The following PTPRD variants were observed in gnomAD, a reference collection of about 807,000 sequenced individuals.
PTPRD encodes receptor-type tyrosine-protein phosphatase delta.
Under a neutral mutation model 214.5 loss-of-function variants are expected in PTPRD, and 34 were observed. The observed-to-expected ratio is 0.16, with a 90% CI of 0.12 to 0.21. The LOEUF (loss-of-function observed/expected upper bound fraction) is 0.21. Among genes scored for constraint, PTPRD ranks in the 10% least tolerant of loss-of-function variants. The pLI, the probability that PTPRD is intolerant of heterozygous loss-of-function variation, is 1.00. For synonymous variants in PTPRD, 1,128 were observed against 845.7 expected (o/e 1.33, Z -5.79); for missense variants, 2,545 against 2,398.7 (o/e 1.06, Z -1.27).
At chr9:9,587,289 A>C (rs771302106) in intron 7 of PTPRD, among the ~76,000 whole-genome samples, 2 of 151,976 alleles carry the variant, frequency 1.3e-5, no homozygotes, top group Admixed American at 6.6e-5. Context: ...TGCACATTAC[A>C]TGTGTTTTAG....
chr9:10,095,986 T>G (rs564059961), intron 3 of PTPRD, among the ~76,000 whole-genome samples: 1 of 151,706 alleles, frequency 6.6e-6, no homozygotes, highest in East Asian at 2.0e-4. Context: ...TCTGTTCCCA[T>G]TCTATGTGAA....
chr9:8,707,887 T>C (rs1018686006), intron 12 of PTPRD, among the ~76,000 whole-genome samples: 7 of 152,222 alleles, frequency 4.6e-5, no homozygotes, highest in African/African-American at 1.7e-4. Context: ...TGGTTGTGTA[T>C]TGTCTCTCTC....
intron 11 of PTPRD, among the ~76,000 whole-genome samples, chr9:8,930,268 A>T (rs1450353619): frequency 1.3e-5 from 2 of 151,914 alleles, no homozygotes; most frequent in African/African-American, 2.4e-5. Context: ...AGCTTCATCC[A>T]TGTCCCTACA....
At chr9:9,456,057 A>G (rs1404194367) in intron 8 of PTPRD, among the ~76,000 whole-genome samples, 1 of 151,898 alleles carries the variant, frequency 6.6e-6, no homozygotes, top group Non-Finnish European at 1.5e-5. Context: ...TAAAGAAAAT[A>G]CTAATCCAAG....
intron 14 of PTPRD, among the ~76,000 whole-genome samples, chr9:8,571,516 A>T (rs1042272521): frequency 3.3e-5 from 5 of 152,182 alleles, no homozygotes; most frequent in Admixed American, 2.0e-4. Flanking sequence ...ATAAGGAAAT[A>T]AGCATTTTGC....
intron 35 of PTPRD, among the ~76,000 whole-genome samples, chr9:8,414,931 GA>G (rs1428665302): frequency 0.022 from 253 of 11,296 alleles, 1 homozygote; most frequent in African/African-American, 0.032. Flanking sequence ...GAGGGAGGGG[GA>G]GAGAGAGAGA....
chr9:9,614,520 G>A (rs73388989), intron 7 of PTPRD, among the ~76,000 whole-genome samples: 5,323 of 152,208 alleles, frequency 0.035, 268 homozygotes, highest in African/African-American at 0.11. Flanking sequence ...ATCTTCAGAA[G>A]TTATCATGGT....
intron 31 of PTPRD, among the ~76,000 whole-genome samples, chr9:8,469,188 T>A (rs2096605097): frequency 6.6e-6 from 1 of 152,020 alleles, no homozygotes; most frequent in Non-Finnish European, 1.5e-5. Context: ...CCCACAGAAT[T>A]TAATTGCAAG....
intron 3 of PTPRD, among the ~76,000 whole-genome samples, chr9:10,093,510 T>C (rs1213091058): frequency 1.3e-5 from 2 of 151,544 alleles, no homozygotes; most frequent in African/African-American, 4.8e-5. Context: ...GAATCCAAAT[T>C]AGTTCAGCCA....
Position 8,471,031 on chromosome 9 carries a change from C to T in PTPRD, c.3468G>A (p.Lys1156=), listed in dbSNP as rs148408819. The change falls in exon 31 of 46, where the codon AAG becomes AAA. Residue 1156 remains lysine, a synonymous_variant. Coordinates refer to ENST00000381196, the MANE Select transcript of PTPRD (RefSeq NM_002839.4). ...PLKKSRGKFI[K]PWESPDEMEL... is the part of the protein sequence containing the mutation. ...CCATTTCATCTGGACTCTCCCATGGCTTGATAAATTTCCCGCGAGATTTCT... is the reference window on the plus strand; with the variant it reads ...CCATTTCATCTGGACTCTCCCATGGTTTGATAAATTTCCCGCGAGATTTCT... The T allele has an allele frequency of 5.5e-5, 89 of 1,613,486 alleles. No homozygotes were observed. In the East Asian group the frequency reaches 1.8e-3, roughly 34 times the overall value.
intron 11 of PTPRD, among the ~76,000 whole-genome samples, chr9:8,748,141 C>T (rs927356228): frequency 6.6e-6 from 1 of 152,086 alleles, no homozygotes; most frequent in African/African-American, 2.4e-5. Flanking sequence ...GCAGTTAGAG[C>T]GGTTGTCAGC....
intron 5 of PTPRD, among the ~76,000 whole-genome samples, chr9:9,854,726 T>C (rs1333231392): frequency 6.6e-6 from 1 of 152,134 alleles, no homozygotes; most frequent in Non-Finnish European, 1.5e-5. Context: ...TTCAACTTCA[T>C]CTTTTCAGCA....
chr9:9,055,236 AC>A (rs1486983201), intron 10 of PTPRD, among the ~76,000 whole-genome samples: 2 of 152,290 alleles, frequency 1.3e-5, no homozygotes, highest in South Asian at 4.1e-4. Context: ...TCAGAAAAAA[AC>A]ATGATGATTA....
At chr9:8,714,236 T>C (rs1205028708) in intron 12 of PTPRD, among the ~76,000 whole-genome samples, 1 of 152,216 alleles carries the variant, frequency 6.6e-6, no homozygotes, top group Non-Finnish European at 1.5e-5. Context: ...ATTTTCCATA[T>C]TGTAATCAGA....
intron 20 of PTPRD, among the ~76,000 whole-genome samples, 173 bp downstream of exon 20, chr9:8,521,104 G>A (rs183710463): frequency 1.4e-4 from 22 of 152,120 alleles, no homozygotes; most frequent in Non-Finnish European, 1.5e-4. Context: ...GAAAAAATCC[G>A]CCTATCTAGG....
chr9:8,848,060 T>A (rs1456234135), intron 11 of PTPRD, among the ~76,000 whole-genome samples: 1 of 152,122 alleles, frequency 6.6e-6, no homozygotes, highest in Non-Finnish European at 1.5e-5. Context: ...GAACTATTCT[T>A]GGTGGAAATA....
intron 3 of PTPRD, among the ~76,000 whole-genome samples, chr9:10,111,506 G>C (rs1029695530): frequency 4.5e-4 from 69 of 151,878 alleles, no homozygotes; most frequent in African/African-American, 1.5e-3. Context: ...CCAAAGTGCT[G>C]GGATTACAGG....
chr9:9,114,807 G>C (rs2099810735), intron 10 of PTPRD, among the ~76,000 whole-genome samples: 1 of 152,066 alleles, frequency 6.6e-6, no homozygotes, highest in African/African-American at 2.4e-5. Context: ...CAGTTCGTAT[G>C]CATCTATGGG....
At chr9:10,347,755 G>C (rs1031409754) in intron 2 of PTPRD, among the ~76,000 whole-genome samples, 26 of 151,706 alleles carry the variant, frequency 1.7e-4, no homozygotes, top group African/African-American at 6.3e-4. Context: ...TTATTTGCTA[G>C]CTATTTTGAA....
Sources: gnomAD v4.1 joint callset for allele counts (sites outside exome capture counted in the v4.1 genomes callset) on GRCh38, gnomAD v4.1.1 for gene constraint, MANE v1.5 for transcripts, NCBI Gene and HGNC (gene_info 2026-07-23, HGNC 2026-07-21) for gene names.